Variants in ZNF385B observed in about 807,000 individuals in gnomAD.
The protein encoded by ZNF385B is zinc finger protein 385B, also known as zinc finger protein 533.
ZNF385B carries 23 observed loss-of-function variants against 39.2 expected under a neutral mutation model. The ratio of observed to expected loss-of-function variants is 0.59; its 90% CI spans 0.42 to 0.83. The LOEUF (loss-of-function observed/expected upper bound fraction) is 0.83. Among genes scored for constraint, ZNF385B ranks in the 40% least tolerant of loss-of-function variants. The probability of loss-of-function intolerance (pLI) is 0.00; values close to 1 mark genes in which losing one functional copy is unlikely to be tolerated. For synonymous variants in ZNF385B, 205 were observed against 222.6 expected, an observed-to-expected ratio of 0.92 and a Z score of 0.70; for missense variants, 552 against 598.9, an observed-to-expected ratio of 0.92 and a Z score of 0.82.
chr2:179,570,957 C>T (rs544021025), intron 3 of ZNF385B, among the ~76,000 whole-genome samples: 3 of 152,146 alleles, frequency 2.0e-5, no homozygotes, highest in Non-Finnish European at 4.4e-5. Flanking sequence ...CTAGAAGAGC[C>T]TGTGAGTAAA....
intron 3 of ZNF385B, among the ~76,000 whole-genome samples, chr2:179,758,532 C>T (rs1002779044): frequency 3.3e-5 from 5 of 152,190 alleles, no homozygotes; most frequent in African/African-American, 7.2e-5. Flanking sequence ...AATACTGTCA[C>T]GTTGGGGTTT....
intron 1 of ZNF385B, among the ~76,000 whole-genome samples, chr2:179,858,140 A>G (rs976831369): frequency 2.0e-5 from 3 of 152,204 alleles, no homozygotes; most frequent in Non-Finnish European, 4.4e-5. Context: ...ACTGAAAAAA[A>G]TAGCCACCAT....
chr2:179,789,414 C>G (rs1705194390), intron 1 of ZNF385B, among the ~76,000 whole-genome samples: 1 of 152,086 alleles, frequency 6.6e-6, no homozygotes, highest in Non-Finnish European at 1.5e-5. Flanking sequence ...GACTGTAGAC[C>G]AATTTCATGA....
intron 3 of ZNF385B, among the ~76,000 whole-genome samples, chr2:179,614,922 A>G (rs1467254033): frequency 6.6e-6 from 1 of 152,252 alleles, no homozygotes; most frequent in African/African-American, 2.4e-5. Flanking sequence ...TGCCAGTAGC[A>G]TCAACATCCT....
chr2:179,855,238 C>T (rs1559254718), intron 1 of ZNF385B, among the ~76,000 whole-genome samples: 1 of 152,186 alleles, frequency 6.6e-6, no homozygotes. Flanking sequence ...AGTTGATTAG[C>T]TTTTGCCTGC....
chr2:179,583,877 G>T, intron 3 of ZNF385B: 1 of 1,296,004 alleles, frequency 7.7e-7, no homozygotes, highest in Non-Finnish European at 1.0e-6. Flanking sequence ...ACTGCCCTCA[G>T]TCCACATATA....
chr2:179,601,508 T>C (rs964206392), intron 3 of ZNF385B, among the ~76,000 whole-genome samples: 1 of 152,108 alleles, frequency 6.6e-6, no homozygotes, highest in Non-Finnish European at 1.5e-5. Context: ...TAGTTTGCAG[T>C]TTTATGTTGC....
intron 5 of ZNF385B, among the ~76,000 whole-genome samples, chr2:179,513,333 A>G (rs974375646): frequency 4.9e-4 from 74 of 152,242 alleles, no homozygotes; most frequent in African/African-American, 1.8e-3. Flanking sequence ...TGAATTTGCC[A>G]TCCAGACTTT....
At chr2:179,498,387 A>G (rs777891967) in intron 5 of ZNF385B, among the ~76,000 whole-genome samples, 1 of 152,066 alleles carries the variant, frequency 6.6e-6, no homozygotes, top group Non-Finnish European at 1.5e-5. Flanking sequence ...TGTAGAATAT[A>G]TATTCTTTTC....
intron 3 of ZNF385B, among the ~76,000 whole-genome samples, chr2:179,680,452 A>G (rs1697413577): frequency 6.6e-6 from 1 of 152,168 alleles, no homozygotes; most frequent in East Asian, 1.9e-4. Flanking sequence ...GTTAGAAGTC[A>G]GGATAGTAGT....
In ZNF385B at chr2:179,445,711, T is replaced by C. The variant is rs2049403035; in HGVS notation, c.979A>G (p.Met327Val). 1 of 1,611,800 alleles carries C rather than the reference T, an allele frequency of 6.2e-7. No individual in the cohort carries two copies. The highest frequency in any genetic ancestry group is 8.5e-7 in the Non-Finnish European group (1 of 1,179,234). Residue 327 changes from methionine to valine, a missense_variant, in exon 8 of 10, where the codon ATG becomes GTG. Coordinates refer to ENST00000410066, the MANE Select transcript of ZNF385B (RefSeq NM_152520.6). ...AHNTGSKHKT[M>V]VEARNGAGPI... is the part of the protein sequence containing the mutation. ...CCAGCCCCATTACGAGCTTCAACCA[T>C]GGTCTTGTGTTTAGATCCTAAGACA... is the stretch of plus-strand genomic sequence containing the variant.
At chr2:179,552,576 C>T (rs1217005181) in intron 3 of ZNF385B, among the ~76,000 whole-genome samples, 1 of 149,180 alleles carries the variant, frequency 6.7e-6, no homozygotes, top group African/African-American at 2.5e-5. Flanking sequence ...TTTTTCATTG[C>T]TTTCCCAGCT....
intron 3 of ZNF385B, among the ~76,000 whole-genome samples, chr2:179,611,045 C>T (rs1339252980): frequency 2.0e-5 from 3 of 152,040 alleles, no homozygotes; most frequent in East Asian, 1.9e-4. Context: ...ATTCTCTTGT[C>T]TGATTGCTCT....
Position 179,636,863 on chromosome 2 carries a change from A to T in ZNF385B, c.299-91894T>A, listed in dbSNP as rs115573018. Among the ~76,000 whole-genome samples the T allele has an allele frequency of 9.3e-3, 1,421 of 152,336 alleles. 22 individuals are homozygous for T. The highest frequency in any genetic ancestry group is 0.033 in the African/African-American group (1,365 of 41,576). On this transcript the variant is annotated intron_variant, in intron 3 of 9. Transcript: ENST00000410066. ...TTTTACACTGTTTGTGGAATAAAAG[A>T]GTAATCATGTCGATATAGTTTTTTT...
intron 6 of ZNF385B, among the ~76,000 whole-genome samples, chr2:179,451,190 T>A (rs904477319): frequency 2.9e-4 from 43 of 150,348 alleles, no homozygotes; most frequent in Non-Finnish European, 5.3e-4. Context: ...ACATGGCACA[T>A]GTATACATAT....
chr2:179,857,069 C>T (rs1684662514), intron 1 of ZNF385B, among the ~76,000 whole-genome samples: 1 of 152,152 alleles, frequency 6.6e-6, no homozygotes, highest in African/African-American at 2.4e-5. Context: ...TAAACTTGTT[C>T]AACCAGAATC....
intron 3 of ZNF385B, among the ~76,000 whole-genome samples, chr2:179,699,129 T>TAA (rs35620290): frequency 6.6e-6 from 1 of 151,632 alleles, no homozygotes; most frequent in South Asian, 2.1e-4. Flanking sequence ...TATATATATA[T>TAA]AAAATTTACC....
At chr2:179,769,390 A>T in intron 3 of ZNF385B, 113 bp downstream of exon 3, 2 of 1,476,342 alleles carry the variant, frequency 1.4e-6, no homozygotes, top group Non-Finnish European at 1.8e-6. Flanking sequence ...AGTACATGTT[A>T]TCATGGTAGC....
At chr2:179,807,521 TG>T (rs1706429336) in intron 1 of ZNF385B, among the ~76,000 whole-genome samples, 1 of 151,972 alleles carries the variant, frequency 6.6e-6, no homozygotes, top group Admixed American at 6.6e-5. Context: ...AGGCAGAGGT[TG>T]CAGTGAGCCA....
Sources: allele counts gnomAD v4.1 joint callset (sites outside exome capture counted in the v4.1 genomes callset), GRCh38; gene constraint gnomAD v4.1.1; transcripts MANE v1.5; gene names NCBI Gene and HGNC (gene_info 2026-07-23, HGNC 2026-07-21).